Variants in QSOX2 observed in about 807,000 individuals in gnomAD.
The protein encoded by QSOX2 is quiescin sulfhydryl oxidase 2.
A neutral mutation model predicts 61.7 loss-of-function variants in QSOX2; 46 were observed. That is an observed-to-expected ratio of 0.75 (90% CI 0.59 to 0.95). The LOEUF (loss-of-function observed/expected upper bound fraction) is 0.95. Among genes scored for constraint, QSOX2 ranks in the 40% least tolerant of loss-of-function variants. The probability of loss-of-function intolerance (pLI) is 0.00; values close to 1 mark genes in which losing one functional copy is unlikely to be tolerated. For missense variants in QSOX2, 879 were observed against 918.9 expected (o/e 0.96, Z 0.56); for synonymous variants, 383 against 388.4 (o/e 0.99, Z 0.16).
intron 11 of QSOX2, chr9:136,211,004 G>A: frequency 1.5e-6 from 1 of 673,062 alleles, no homozygotes; most frequent in Non-Finnish European, 1.8e-6. Flanking sequence ...GGGGAAGAAA[G>A]AGCCACACCC....
chr9:136,232,059 T>G (rs1244000266), intron 1 of QSOX2, among the ~76,000 whole-genome samples: 1 of 152,170 alleles, frequency 6.6e-6, no homozygotes, highest in South Asian at 2.1e-4. Flanking sequence ...CCTCACTTCG[T>G]GTCACTGACA....
chr9:136,208,644 G>T lies in QSOX2; in HGVS notation c.*84C>A. 3 of 1,456,784 alleles carry T rather than the reference G, an allele frequency of 2.1e-6. No homozygotes were observed. Among genetic ancestry groups the T allele is most frequent in the South Asian group, 1.5e-5 (1 of 67,792 alleles). The allele number at this position is 1,456,784 out of a possible 1,614,324, so 90.2% of individuals were successfully genotyped here. The stretch of plus-strand genomic sequence containing the variant: ...AGGCCCGCATGTTTATAAAATCCCT[G>T]ATCATAAATATTAAAGCTGCAGGTG... On this transcript the variant is annotated 3_prime_UTR_variant, in exon 12 of 12. Coordinates refer to ENST00000358701, the MANE Select transcript of QSOX2 (RefSeq NM_181701.4).
Position 136,208,737 on chromosome 9 carries a change from CGG to C in QSOX2, c.2086_2087del (p.Pro696GlyfsTer60). ...GGCAGCACCCGGGCACTCACACGGC[CGG>C]GTGGTGGTGCTTGACCTTCCACCGC... ...SRRWKVKHHH[P>X]AV is the part of the protein sequence containing the mutation. On this transcript the variant is annotated frameshift_variant, in exon 12 of 12. Transcript: ENST00000358701. LOFTEE classifies it high-confidence loss of function. 6.2e-7 allele frequency: 1 copy of C among 1,606,452 alleles called. No homozygotes were observed. The highest frequency in any genetic ancestry group is 8.5e-7 in the Non-Finnish European group (1 of 1,174,746).
chr9:136,221,811 T>A lies in QSOX2; in HGVS notation c.806A>T (p.His269Leu), dbSNP rs1360468061. The A allele has an allele frequency of 1.1e-5, 18 of 1,607,334 alleles. No individual in the cohort carries two copies. The highest frequency in any genetic ancestry group is 1.4e-5 in the Non-Finnish European group (17 of 1,176,958). The change falls in exon 6 of 12, where the codon CAT (histidine) becomes CTT (leucine). Residue 269 changes from histidine to leucine, a missense_variant. By Grantham distance (99) the His-to-Leu change is moderately conservative. Coordinates refer to ENST00000358701, the MANE Select transcript of QSOX2 (RefSeq NM_181701.4). The surrounding 1 kb of genome is among the most constrained non-coding windows in gnomAD (Gnocchi z 4.5). Reference protein sequence around the residue: ...SCYLIYPNGSHGLINVVKPLR... With the variant: ...SCYLIYPNGSLGLINVVKPLR... The stretch of plus-strand genomic sequence containing the variant: ...GGGCACTCACACGTTAATCAATCCA[T>A]GCGACCCATTTGGGTAGATCAGGTA...
chr9:136,239,713 T>C (rs1210721069), intron 1 of QSOX2, among the ~76,000 whole-genome samples: 3 of 152,326 alleles, frequency 2.0e-5, no homozygotes, highest in South Asian at 2.1e-4. Context: ...GGGTCAGTCC[T>C]GGTGAAGGGG....
chr9:136,226,801 G>A lies in QSOX2; in HGVS notation c.402C>T (p.Tyr134=), dbSNP rs755836853. The change falls in exon 2 of 12, where the codon TAC becomes TAT. Residue 134 remains tyrosine (Y), a synonymous_variant. Coordinates refer to ENST00000358701, the MANE Select transcript of QSOX2 (RefSeq NM_181701.4). ...EEKNQAVCHD[Y]DIHFYPTFRY... is the part of the protein sequence containing the mutation. ...GGAAGGTGGGGTAGAAGTGGATGTC[G>A]TAGTCATGGCACACGGCCTGGTTCT... 38 of 1,614,026 alleles carry A rather than the reference G, an allele frequency of 2.4e-5. No individual in the cohort carries two copies. The highest frequency in any genetic ancestry group is 9.3e-5 in the African/African-American group (7 of 74,936).
chr9:136,236,030 T>A (rs1427043193), intron 1 of QSOX2, among the ~76,000 whole-genome samples: 2 of 152,168 alleles, frequency 1.3e-5, no homozygotes, highest in African/African-American at 4.8e-5. Context: ...GGGTCCGAAG[T>A]CACTGGCAGT....
At chr9:136,218,596 C>G in intron 8 of QSOX2, 83 bp downstream of exon 8, 1 of 1,488,556 alleles carries the variant, frequency 6.7e-7, no homozygotes, top group Non-Finnish European at 9.1e-7. Flanking sequence ...TGGCGGAGCC[C>G]CCGCAGTGTC....
At chr9:136,235,148 C>T (rs1173603859) in intron 1 of QSOX2, among the ~76,000 whole-genome samples, 3 of 152,328 alleles carry the variant, frequency 2.0e-5, no homozygotes, top group Non-Finnish European at 2.9e-5. Flanking sequence ...CTTCTTGCCT[C>T]AGTTGCTCCA....
intron 8 of QSOX2, among the ~76,000 whole-genome samples, chr9:136,218,255 C>A (rs1831936509): frequency 6.6e-6 from 1 of 152,198 alleles, no homozygotes; most frequent in African/African-American, 2.4e-5. Flanking sequence ...CTCCCTGAAC[C>A]TGGCTGGTGG....
chr9:136,211,510 C>G (rs540698056), intron 10 of QSOX2, 58 bp from the exon 11 acceptor site: 13 of 1,564,914 alleles, frequency 8.3e-6, no homozygotes, highest in Non-Finnish European at 1.1e-5. Flanking sequence ...CCTGACCCCA[C>G]GCTTGTCCAG....
intron 10 of QSOX2, among the ~76,000 whole-genome samples, chr9:136,212,965 G>C (rs1047562012): frequency 6.6e-6 from 1 of 152,230 alleles, no homozygotes; most frequent in Non-Finnish European, 1.5e-5. Context: ...CTTGCTAGCA[G>C]TGTGCTTTGC....
At chr9:136,231,914 C>CCCTCCACCCTCTCCGCCT (rs1169410873) in intron 1 of QSOX2, among the ~76,000 whole-genome samples, 5 of 148,770 alleles carry the variant, frequency 3.4e-5, no homozygotes, top group Non-Finnish European at 7.4e-5. Context: ...CCCCTCCACC[C>CCCTCCACCCTCTCCGCCT]CCTCCACCCT....
chr9:136,219,439 G>A (rs1056469328), intron 6 of QSOX2, among the ~76,000 whole-genome samples: 11 of 152,230 alleles, frequency 7.2e-5, no homozygotes, highest in Non-Finnish European at 1.2e-4. Context: ...ACCTTAAGGC[G>A]TTTTGTAAAG....
Position 136,221,262 on chromosome 9 carries a change from C to T in QSOX2, c.821+534G>A, listed in dbSNP as rs577043287. ...CACGCAGGGGCGAAGGGCTTATCCT[C>T]ATGAGGGGCACACGGGCACCCCACG... On this transcript the variant is annotated intron_variant, in intron 6 of 11. Transcript: ENST00000358701. The surrounding 1 kb of genome is among the most constrained non-coding windows in gnomAD (Gnocchi z 4.5). Among the ~76,000 whole-genome samples the T allele has an allele frequency of 4.9e-4, 73 of 150,144 alleles. 1 individual carries two copies. Among genetic ancestry groups the T allele is most frequent in the African/African-American group, 1.7e-3 (68 of 40,672 alleles).
At chr9:136,214,274 T>C (rs1344649931) in intron 10 of QSOX2, among the ~76,000 whole-genome samples, 1 of 152,236 alleles carries the variant, frequency 6.6e-6, no homozygotes, top group African/African-American at 2.4e-5. Context: ...CGAAGTTTTA[T>C]AGGTTTTAAC....
chr9:136,242,833 G>A (rs12345350), intron 1 of QSOX2, among the ~76,000 whole-genome samples: 3,259 of 152,302 alleles, frequency 0.021, 110 homozygotes, highest in African/African-American at 0.068. Context: ...CTTTCTACCC[G>A]GACTCTACCT....
chr9:136,224,061 TGCA>T lies in QSOX2; in HGVS notation c.527_529del (p.Leu176del). On this transcript the variant is annotated inframe_deletion, in exon 4 of 12. Coordinates refer to ENST00000358701, the MANE Select transcript of QSOX2 (RefSeq NM_181701.4). Reference sequence around the variant, plus strand: ...GGGCCGGCTTCCTTCCGTGTGGTTCTGCAGGAAGTCAATCATCGTCTGTCTGAC... The same window carrying T: ...GGGCCGGCTTCCTTCCGTGTGGTTCTGGAAGTCAATCATCGTCTGTCTGAC... 1 of 1,614,060 alleles carries T rather than the reference TGCA, an allele frequency of 6.2e-7. No individual in the cohort carries two copies. The highest frequency in any genetic ancestry group is 1.3e-5 in the African/African-American group (1 of 75,026).
intron 1 of QSOX2, among the ~76,000 whole-genome samples, chr9:136,243,482 T>A (rs528976185): frequency 6.6e-6 from 1 of 152,214 alleles, no homozygotes; most frequent in East Asian, 1.9e-4. Context: ...TTTCAATCAA[T>A]TGCCAGTCAG....
Sources: allele counts gnomAD v4.1 joint callset (sites outside exome capture counted in the v4.1 genomes callset), GRCh38; gene constraint gnomAD v4.1.1; non-coding constraint Gnocchi (gnomAD v3.1); transcripts MANE v1.5; gene names NCBI Gene and HGNC (gene_info 2026-07-23, HGNC 2026-07-21).